Variants in N4BP1 observed in about 807,000 individuals in gnomAD.
N4BP1 encodes the protein NEDD4-binding protein 1.
Under a neutral mutation model 70.9 loss-of-function variants are expected in N4BP1, and 21 were observed. The ratio of observed to expected loss-of-function variants is 0.30; its 90% CI spans 0.21 to 0.43. The LOEUF is 0.43. Ranked by LOEUF, N4BP1 falls within the 20% of genes least tolerant of loss-of-function variation. The probability of loss-of-function intolerance (pLI) is 1.00; values close to 1 mark genes in which losing one functional copy is unlikely to be tolerated. For synonymous variants in N4BP1, 387 were observed against 394.6 expected (o/e 0.98, Z 0.23); for missense variants, 936 against 1,069.4 (o/e 0.88, Z 1.74).
rs1403957712 is a variant in N4BP1 at position 48,560,937 on chromosome 16, T to G, written c.1706A>C (p.Gln569Pro). The G allele has an allele frequency of 6.2e-7, 1 of 1,614,018 alleles. No individual in the cohort carries two copies. The highest frequency in any genetic ancestry group is 1.7e-5 in the Admixed American group (1 of 60,024). ...TGCATCAGTAACCGAAGGTAACAGC[T>G]GGGGCAGTGGCATTGGTGGAGAAAG... Reference protein sequence around the residue: ...STLSPPMPLPQLLPSVTDARS... With the variant: ...STLSPPMPLPPLLPSVTDARS... The change falls in exon 2 of 7, where the codon CAG becomes CCG. Residue 569 changes from glutamine (Q) to proline (P), a missense_variant. By Grantham distance (76) the Gln-to-Pro change is moderately conservative. Around this residue, in one of 4 missense-constraint regions of N4BP1, gnomAD observed 515 missense variants for 491.7 expected, o/e 1.05. Coordinates refer to ENST00000262384, the MANE Select transcript of N4BP1 (RefSeq NM_153029.4).
chr16:48,547,958 C>A, intron 5 of N4BP1, 49 bp downstream of exon 5: 2 of 1,227,426 alleles, frequency 1.6e-6, no homozygotes, highest in Non-Finnish European at 2.4e-6. Flanking sequence ...CAGAAACAAA[C>A]AATTAAAAAC....
chr16:48,550,673 G>C (rs927844470), intron 4 of N4BP1, among the ~76,000 whole-genome samples: 2 of 152,036 alleles, frequency 1.3e-5, no homozygotes, highest in East Asian at 3.9e-4. Context: ...GGAGGCCAAG[G>C]TGGGCAGATC....
rs1964660689 is a variant in N4BP1, at chr16:48,610,007, C to G, written c.-35G>C. The G allele has an allele frequency of 9.0e-7, 1 of 1,108,012 alleles. No individual in the cohort carries two copies. Among genetic ancestry groups the G allele is most frequent in the Non-Finnish European group, 1.1e-6 (1 of 907,048 alleles). 68.6% of individuals were successfully genotyped at this position (1,108,012 alleles called of 1,614,324 possible). A position where few individuals can be genotyped will look rare whatever the true frequency, so the allele number is the denominator to read the frequency against. On this transcript the variant is annotated 5_prime_UTR_variant, in exon 1 of 7. Coordinates refer to ENST00000262384, the MANE Select transcript of N4BP1 (RefSeq NM_153029.4). Reference sequence around the variant, plus strand: ...GGCCTCCCGCGGCGGCGCCGGGGGCCGGCGGCGGCGACGCCCCCTCAGCTT... The same window carrying G: ...GGCCTCCCGCGGCGGCGCCGGGGGCGGGCGGCGGCGACGCCCCCTCAGCTT...
In N4BP1 at chr16:48,609,911, TC is replaced by T; in HGVS notation, c.61del (p.Glu21SerfsTer13). ...GCCCTCGATACGGCCGCGGCTCTGC[TC>T]CAGCAGCTCCGCCTTCTCAGCTGGC... ...TAPAEKAELLEQSRGRIEGLF... is the reference protein window; with the variant it reads ...TAPAEKAELLXQSRGRIEGLF... On this transcript the variant is annotated frameshift_variant, in exon 1 of 7. Coordinates refer to ENST00000262384, the MANE Select transcript of N4BP1 (RefSeq NM_153029.4). LOFTEE classifies it high-confidence loss of function. 6.9e-7 allele frequency: 1 copy of T among 1,454,206 alleles called. No homozygotes were observed. Among genetic ancestry groups the T allele is most frequent in the South Asian group, 1.3e-5 (1 of 76,994 alleles). The allele number at this position is 1,454,206 out of a possible 1,614,324, so 90.1% of individuals were successfully genotyped here. A position where few individuals can be genotyped will look rare whatever the true frequency, so the allele number is the denominator to read the frequency against.
intron 1 of N4BP1, among the ~76,000 whole-genome samples, 159 bp downstream of exon 1, chr16:48,609,616 C>A (rs1283891810): frequency 1.3e-5 from 2 of 152,332 alleles, no homozygotes; most frequent in Middle Eastern, 6.8e-3. Context: ...TATCCAAGGT[C>A]ACATGGCTCG....
At position 48,561,399 on chromosome 16, in the gene N4BP1, T is replaced by TA; in HGVS notation, c.1243dup (p.Tyr415LeufsTer2). The TA allele has an allele frequency of 6.2e-7, 1 of 1,613,964 alleles. No homozygotes were observed. ...AGTTGTAAGCTCATTTGTGCTGCTA[T>TA]AAACACCTTTATTTTTGGTTTTGTT... On this transcript the variant is annotated frameshift_variant, in exon 2 of 7. Coordinates refer to ENST00000262384, the MANE Select transcript of N4BP1 (RefSeq NM_153029.4). LOFTEE classifies it high-confidence loss of function.
At chr16:48,599,574 C>T (rs1054225961) in intron 1 of N4BP1, among the ~76,000 whole-genome samples, 1 of 152,220 alleles carries the variant, frequency 6.6e-6, no homozygotes, top group African/African-American at 2.4e-5. Flanking sequence ...GTTTTCCAAT[C>T]CAGCTGGTTC....
chr16:48,582,946 T>A lies in N4BP1; in HGVS notation c.199-20502A>T, dbSNP rs188128464. ...AACCAATTTAAAAAGTAGGTGGGCA[T>A]GATGGTAAACTCGCCTGTGGTCCCA... On this transcript the variant is annotated intron_variant, in intron 1 of 6. Transcript: ENST00000262384. 9.2e-5 allele frequency among the ~76,000 whole-genome samples: 14 copies of A among 152,292 alleles called. No homozygotes were observed. The East Asian group carries it at 2.5e-3, about 27-fold the overall frequency.
rs151041005 is a variant in N4BP1, at chr16:48,557,018, T to A, written c.1890-3349A>T. Among the ~76,000 whole-genome samples the A allele has an allele frequency of 4.6e-5, 7 of 152,286 alleles. No homozygotes were observed. In the East Asian group the frequency reaches 1.4e-3, roughly 29 times the overall value. On this transcript the variant is annotated intron_variant, in intron 2 of 6. Transcript: ENST00000262384. ...ACAAACAATTTCCACTTACTCATCA[T>A]TTGACTCATTCATGGTGACAAGGGG...
At chr16:48,572,586 G>A (rs1044984239) in intron 1 of N4BP1, among the ~76,000 whole-genome samples, 2 of 152,022 alleles carry the variant, frequency 1.3e-5, no homozygotes, top group Non-Finnish European at 2.9e-5. Flanking sequence ...ACAGGTATCT[G>A]ACAATGAAAT....
At chr16:48,585,480 A>G (rs1380993631) in intron 1 of N4BP1, among the ~76,000 whole-genome samples, 3 of 151,912 alleles carry the variant, frequency 2.0e-5, no homozygotes. Flanking sequence ...CTATTTAAAA[A>G]AAAAATAAAT....
At chr16:48,543,921 G>A (rs999060898) in intron 6 of N4BP1, among the ~76,000 whole-genome samples, 10 of 152,156 alleles carry the variant, frequency 6.6e-5, no homozygotes, top group Middle Eastern at 3.2e-3. Flanking sequence ...TTTCTGAGCC[G>A]CTCCACAAAG....
intron 1 of N4BP1, among the ~76,000 whole-genome samples, chr16:48,580,396 G>A (rs1406897859): frequency 1.3e-5 from 2 of 152,086 alleles, no homozygotes; most frequent in Non-Finnish European, 1.5e-5. Context: ...TAGAAAACCT[G>A]AAGAGACTAA....
chr16:48,575,646 A>T (rs113832614), intron 1 of N4BP1, among the ~76,000 whole-genome samples: 2,654 of 152,314 alleles, frequency 0.017, 33 homozygotes, highest in Middle Eastern at 0.037. Context: ...GTATTGGCAT[A>T]CACTAAAGGG....
chr16:48,551,588 ACCTT>A, intron 3 of N4BP1, 106 bp from the exon 4 acceptor site: 3 of 763,960 alleles, frequency 3.9e-6, no homozygotes, highest in Non-Finnish European at 6.1e-6. Flanking sequence ...GCTGTAGAAA[ACCTT>A]TTTTCTATTG....
At position 48,538,782 on chromosome 16, in the gene N4BP1, G is replaced by A. The variant is rs144110527; in HGVS notation, c.*4122C>T. The A allele has an allele frequency of 4.0e-4, 61 of 152,574 alleles. No individual in the cohort carries two copies. Among genetic ancestry groups the A allele is most frequent in the South Asian group, 2.1e-3 (10 of 4,818 alleles). The allele number at this position is 152,574 out of a possible 1,614,324, so 9.5% of individuals were successfully genotyped here. On this transcript the variant is annotated 3_prime_UTR_variant, in exon 7 of 7. Transcript: ENST00000262384. ...TCAAGTGCAAGGCACTGTGCTAGGC[G>A]CCGTGGGAAATACAGAGAACACAGG...
rs528036549 is a variant in N4BP1 at position 48,557,472 on chromosome 16, T to C, written c.1889+3282A>G. Among the ~76,000 whole-genome samples the C allele has an allele frequency of 2.0e-5, 3 of 152,294 alleles. No individual in the cohort carries two copies. In the South Asian group the frequency reaches 6.2e-4, roughly 32 times the overall value. Reference sequence around the variant, plus strand: ...TGTTGTATAAATTATAACTTTTGACTCACAATTGGTGTGAAGGTTGCATTT... The same window carrying C: ...TGTTGTATAAATTATAACTTTTGACCCACAATTGGTGTGAAGGTTGCATTT... On this transcript the variant is annotated intron_variant, in intron 2 of 6. Transcript: ENST00000262384.
intron 1 of N4BP1, among the ~76,000 whole-genome samples, chr16:48,602,105 TC>T (rs1964510556): frequency 6.6e-6 from 1 of 152,004 alleles, no homozygotes; most frequent in South Asian, 2.1e-4. Context: ...AAGCCTGAAC[TC>T]CCAACTAACC....
chr16:48,543,384 C>T, intron 6 of N4BP1, 123 bp from the exon 7 acceptor site: 1 of 795,818 alleles, frequency 1.3e-6, no homozygotes, highest in Non-Finnish European at 1.9e-6. Context: ...CTTCCAAAGG[C>T]AGGATGCAAG....
Sources: gnomAD v4.1 joint callset for allele counts (sites outside exome capture counted in the v4.1 genomes callset) on GRCh38, gnomAD v4.1.1 for gene constraint, gnomAD v4.1.1 regional missense constraint, MANE v1.5 for transcripts, NCBI Gene and HGNC (gene_info 2026-07-23, HGNC 2026-07-21) for gene names.